Variants in LRP1B observed in about 807,000 individuals in gnomAD.
LRP1B encodes low-density lipoprotein receptor-related protein 1B.
Under a neutral mutation model 556.6 loss-of-function variants are expected in LRP1B, and 217 were observed. The ratio of observed to expected loss-of-function variants is 0.39; its 90% CI spans 0.35 to 0.44. LRP1B has a LOEUF of 0.44. LRP1B is among the 20% of genes least tolerant of loss of function. The probability of loss-of-function intolerance (pLI) is 1.00; values close to 1 mark genes in which losing one functional copy is unlikely to be tolerated. For missense variants in LRP1B, 5,053 were observed against 5,620.8 expected (o/e 0.90, Z 3.23); for synonymous variants, 2,047 against 1,865.8 (o/e 1.10, Z -2.50).
chr2:141,660,678 C>G (rs905540583), intron 2 of LRP1B, among the ~76,000 whole-genome samples: 2 of 152,202 alleles, frequency 1.3e-5, no homozygotes, highest in Non-Finnish European at 1.5e-5. Context: ...TCTGATCTCT[C>G]TGGGACGGAG....
chr2:141,406,160 A>G (rs553773661), intron 3 of LRP1B, among the ~76,000 whole-genome samples: 43 of 152,272 alleles, frequency 2.8e-4, no homozygotes, highest in Middle Eastern at 3.4e-3. Context: ...AAATTGAGAC[A>G]CAAAGCTTTT....
intron 22 of LRP1B, among the ~76,000 whole-genome samples, chr2:140,906,298 A>G (rs533833130): frequency 1.3e-5 from 2 of 152,298 alleles, no homozygotes; most frequent in East Asian, 3.9e-4. Context: ...GTGCTTTTCA[A>G]TTCTGAAGTA....
At chr2:140,974,368 T>C (rs1462122278) in intron 18 of LRP1B, among the ~76,000 whole-genome samples, 2 of 152,206 alleles carry the variant, frequency 1.3e-5, no homozygotes, top group Non-Finnish European at 2.9e-5. Flanking sequence ...TACAACAGTC[T>C]CTAATTCTGT....
intron 2 of LRP1B, among the ~76,000 whole-genome samples, chr2:141,655,346 G>T (rs1689964686): frequency 6.6e-6 from 1 of 152,080 alleles, no homozygotes; most frequent in Non-Finnish European, 1.5e-5. Flanking sequence ...CATATTTACA[G>T]CTAAGACAAA....
At chr2:140,583,522 T>C (rs1681864873) in intron 43 of LRP1B, among the ~76,000 whole-genome samples, 1 of 152,166 alleles carries the variant, frequency 6.6e-6, no homozygotes, top group Middle Eastern at 3.4e-3. Context: ...TTCTTCCCTC[T>C]AAGATACGTC....
Position 140,929,826 on chromosome 2 carries a change from C to T in LRP1B, c.3137-6679G>A, listed in dbSNP as rs1363737047. ...TACTTCCCACTTCTCATTCTACTTC[C>T]TTACTATAAATTAAAAATATCTCAA... is the stretch of plus-strand genomic sequence containing the variant. On this transcript the variant is annotated intron_variant, in intron 20 of 90. Transcript: ENST00000389484. Among the ~76,000 whole-genome samples, 4 of 149,080 alleles carry T rather than the reference C, an allele frequency of 2.7e-5. No homozygotes were observed. In the East Asian group the frequency reaches 8.1e-4, roughly 30 times the overall value.
chr2:141,322,892 C>T (rs749469903), intron 3 of LRP1B, among the ~76,000 whole-genome samples: 8 of 151,930 alleles, frequency 5.3e-5, no homozygotes, highest in South Asian at 2.1e-4. Flanking sequence ...TTTTGAGATA[C>T]GAATATCCAA....
chr2:142,033,158 T>C (rs1196537133), intron 1 of LRP1B, among the ~76,000 whole-genome samples: 2 of 151,880 alleles, frequency 1.3e-5, no homozygotes, highest in African/African-American at 2.4e-5. Context: ...GCTGCTAAGA[T>C]GTTGCTCAAT....
chr2:141,789,186 C>A (rs538057534), intron 2 of LRP1B, among the ~76,000 whole-genome samples: 3 of 151,862 alleles, frequency 2.0e-5, no homozygotes, highest in Non-Finnish European at 2.9e-5. Context: ...TAATATACGG[C>A]TTCTGGATAA....
At chr2:140,749,769 TAAC>T (rs1688506336) in intron 35 of LRP1B, among the ~76,000 whole-genome samples, 1 of 152,186 alleles carries the variant, frequency 6.6e-6, no homozygotes. Context: ...AAAATAATGA[TAAC>T]AAGTACAGTT....
chr2:141,032,822 C>CATATATATATATATATATATATATAT (rs1333410760), intron 11 of LRP1B, among the ~76,000 whole-genome samples: 44 of 75,588 alleles, frequency 5.8e-4, no homozygotes, highest in South Asian at 1.1e-3. Flanking sequence ...TATATATATA[C>CATATATATATATATATATATATATAT]ATACATATAT....
At chr2:142,022,668 T>G (rs963435613) in intron 1 of LRP1B, among the ~76,000 whole-genome samples, 1 of 152,048 alleles carries the variant, frequency 6.6e-6, no homozygotes, top group Non-Finnish European at 1.5e-5. Flanking sequence ...TTATTTTATT[T>G]TATTTATTTA....
intron 3 of LRP1B, among the ~76,000 whole-genome samples, chr2:141,284,476 C>T (rs192120299): frequency 1.3e-5 from 2 of 152,264 alleles, no homozygotes; most frequent in East Asian, 1.9e-4. Context: ...TAAGAAATTT[C>T]TGAAGGTACT....
intron 1 of LRP1B, among the ~76,000 whole-genome samples, chr2:141,844,450 A>C (rs1697576332): frequency 2.0e-5 from 3 of 152,134 alleles, no homozygotes; most frequent in African/African-American, 7.2e-5. Flanking sequence ...TATCTTACAT[A>C]ACTTTGTTAA....
chr2:141,828,635 T>A (rs1697013109), intron 1 of LRP1B, among the ~76,000 whole-genome samples: 1 of 152,128 alleles, frequency 6.6e-6, no homozygotes, highest in South Asian at 2.1e-4. Context: ...AGTTACCTCG[T>A]GCTGGTTTCA....
At chr2:141,320,543 T>C (rs1687201573) in intron 3 of LRP1B, among the ~76,000 whole-genome samples, 1 of 152,074 alleles carries the variant, frequency 6.6e-6, no homozygotes, top group Non-Finnish European at 1.5e-5. Flanking sequence ...ATTTGGATTC[T>C]CCTCTTTCTG....
At chr2:141,488,378 C>T (rs10496882) in intron 2 of LRP1B, among the ~76,000 whole-genome samples, 64,279 of 151,946 alleles carry the variant, frequency 0.42, 14,892 homozygotes, top group East Asian at 0.71. Flanking sequence ...CTCTGATTAT[C>T]GCTACCTAGT....
intron 3 of LRP1B, among the ~76,000 whole-genome samples, chr2:141,435,625 C>T (rs1680735664): frequency 6.6e-6 from 1 of 152,200 alleles, no homozygotes; most frequent in Admixed American, 6.5e-5. Context: ...TTGCTGTTTA[C>T]TGAGTGTCAC....
intron 35 of LRP1B, among the ~76,000 whole-genome samples, chr2:140,764,160 G>T (rs972578185): frequency 6.6e-6 from 1 of 151,926 alleles, no homozygotes; most frequent in South Asian, 2.1e-4. Flanking sequence ...AAGCTTCCAG[G>T]CATAGAAAAT....
Sources: gnomAD v4.1 joint callset for allele counts (sites outside exome capture counted in the v4.1 genomes callset) on GRCh38, gnomAD v4.1.1 for gene constraint, MANE v1.5 for transcripts, NCBI Gene and HGNC (gene_info 2026-07-23, HGNC 2026-07-21) for gene names.